The following CCDC40 variants were observed in gnomAD, a reference collection of about 807,000 sequenced individuals.
The protein encoded by CCDC40 is coiled-coil domain-containing protein 40.
CCDC40 carries 104 observed loss-of-function variants against 124.5 expected under a neutral mutation model. The ratio of observed to expected loss-of-function variants is 0.84; its 90% CI spans 0.71 to 0.98. The LOEUF (loss-of-function observed/expected upper bound fraction) is 0.98. Ranked by LOEUF, CCDC40 falls within the 50% of genes least tolerant of loss-of-function variation. The pLI is 0.00. For synonymous variants in CCDC40, 580 were observed against 602.9 expected, an observed-to-expected ratio of 0.96 and a Z score of 0.56; for missense variants, 1,463 against 1,503.9, an observed-to-expected ratio of 0.97 and a Z score of 0.45.
intron 3 of CCDC40, among the ~76,000 whole-genome samples, chr17:80,044,701 AC>A (rs1435695973): frequency 0.015 from 649 of 44,694 alleles, 12 homozygotes; most frequent in African/African-American, 0.054. Flanking sequence ...AACAAAACAA[AC>A]AAACAAAAAA....
At position 80,090,250 on chromosome 17, in the gene CCDC40, A is replaced by C. The variant is rs2038685068; in HGVS notation, c.2832+366A>C. The C allele has an allele frequency of 2.3e-5, 20 of 862,980 alleles. 1 individual carries two copies. Among genetic ancestry groups the C allele is most frequent in the African/African-American group, 3.7e-5 (2 of 54,650 alleles). 53.5% of individuals were successfully genotyped at this position (862,980 alleles called of 1,614,324 possible). On this transcript the variant is annotated intron_variant, in intron 17 of 19. Transcript: ENST00000397545. The stretch of plus-strand genomic sequence containing the variant: ...ACGCGCGCAGGCACGTGCACGAACA[A>C]CACGGGACGCGCGCGGGCACGTGCA...
intron 12 of CCDC40, 46 bp downstream of exon 12, chr17:80,082,104 C>T: frequency 1.3e-6 from 2 of 1,585,928 alleles, no homozygotes; most frequent in Non-Finnish European, 1.7e-6. Context: ...CCCCTGCAGC[C>T]TGGGCATATG....
intron 5 of CCDC40, 106 bp from the exon 6 acceptor site, chr17:80,049,800 C>A: frequency 1.1e-6 from 1 of 877,948 alleles, no homozygotes; most frequent in Non-Finnish European, 1.9e-6. Flanking sequence ...ACACGGAAGT[C>A]GTCTCTGGCC....
chr17:80,072,282 C>T (rs1598520656), intron 10 of CCDC40, among the ~76,000 whole-genome samples: 1 of 152,156 alleles, frequency 6.6e-6, no homozygotes, highest in East Asian at 1.9e-4. Flanking sequence ...AAATAATAAT[C>T]CTTATCAAGG....
chr17:80,039,899 GA>G lies in CCDC40; in HGVS notation c.183del (p.Ala62LeufsTer105). On this transcript the variant is annotated frameshift_variant, in exon 3 of 20. Coordinates refer to ENST00000397545, the MANE Select transcript of CCDC40 (RefSeq NM_017950.4). LOFTEE classifies it high-confidence loss of function. ...EHPEEVTTQA[E>X]AAIEEGEVET... ...TCCTGAGGAAGTCACAACCCAAGCGGAAGCTGCAATTGAAGAGGGGGAGGTG... is the reference window on the plus strand; with the variant it reads ...TCCTGAGGAAGTCACAACCCAAGCGGAGCTGCAATTGAAGAGGGGGAGGTG... 6.2e-7 allele frequency: 1 copy of G among 1,613,856 alleles called. No individual in the cohort carries two copies. Among genetic ancestry groups the G allele is most frequent in the Non-Finnish European group, 8.5e-7 (1 of 1,179,916 alleles).
intron 18 of CCDC40, 111 bp downstream of exon 18, chr17:80,095,562 G>T: frequency 9.6e-7 from 1 of 1,037,430 alleles, no homozygotes; most frequent in Non-Finnish European, 1.4e-6. Context: ...AGGCTGCAGT[G>T]GGGGCGTGCT....
At chr17:80,072,370 CAAG>C (rs1345977127) in intron 10 of CCDC40, among the ~76,000 whole-genome samples, 3 of 152,104 alleles carry the variant, frequency 2.0e-5, no homozygotes, top group Non-Finnish European at 4.4e-5. Context: ...CTTTTTGTGA[CAAG>C]AAGACTCATT....
chr17:80,091,826 G>T (rs1206610981), intron 17 of CCDC40, among the ~76,000 whole-genome samples: 1 of 151,918 alleles, frequency 6.6e-6, no homozygotes, highest in Admixed American at 6.6e-5. Flanking sequence ...AGGTCAAAGG[G>T]TGTATAAATT....
chr17:80,077,476 T>C (rs1481814951), intron 10 of CCDC40, among the ~76,000 whole-genome samples: 3 of 152,186 alleles, frequency 2.0e-5, no homozygotes, highest in African/African-American at 7.2e-5. Context: ...TGAGCCGAGA[T>C]TGCGCCATTG....
At chr17:80,044,172 C>T (rs923370274) in intron 3 of CCDC40, among the ~76,000 whole-genome samples, 1 of 152,070 alleles carries the variant, frequency 6.6e-6, no homozygotes, top group Admixed American at 6.6e-5. Context: ...GCATAGTCAC[C>T]CAGCTGTTGC....
rs74692882 is a variant in CCDC40, at chr17:80,050,255, C to T, written c.1131C>T (p.Cys377=). The T allele has an allele frequency of 2.8e-3, 4,396 of 1,583,052 alleles. 108 individuals carry two copies. The African/African-American group carries it at 0.053, about 19-fold the overall frequency. Reference sequence around the variant, plus strand: ...CCCGCGCTCTCTACACCAAGACCTGCGCAGCCGCCAACGAGGAGCGCAAAA... The same window carrying T: ...CCCGCGCTCTCTACACCAAGACCTGTGCAGCCGCCAACGAGGAGCGCAAAA... The part of the protein sequence containing the change: ...QAARALYTKT[C]AAANEERKKL... Residue 377 remains cysteine (C), a synonymous_variant, in exon 7 of 20, where the codon TGC becomes TGT. Transcript: ENST00000397545.
rs2038598590 is a variant in CCDC40 at position 80,086,842 on chromosome 17, G to C, written c.2449+626G>C. 1 of 159,582 alleles carries C rather than the reference G, an allele frequency of 6.3e-6. No individual in the cohort carries two copies. Among genetic ancestry groups the C allele is most frequent in the Non-Finnish European group, 1.4e-5 (1 of 72,364 alleles). The allele number at this position is 159,582 out of a possible 1,614,324, so 9.9% of individuals were successfully genotyped here. Reference sequence around the variant, plus strand: ...CCAGACACATCATGTGCCCTTCTCGGAGGTCCTGCTGCCTCTCGCCCTGCC... The same window carrying C: ...CCAGACACATCATGTGCCCTTCTCGCAGGTCCTGCTGCCTCTCGCCCTGCC... On this transcript the variant is annotated intron_variant, in intron 14 of 19. Coordinates refer to ENST00000397545, the MANE Select transcript of CCDC40 (RefSeq NM_017950.4). The surrounding 1 kb of genome is among the most constrained non-coding windows in gnomAD (Gnocchi z 5.5).
Position 80,081,802 on chromosome 17 carries a change from C to A in CCDC40, c.1806+13C>A, listed in dbSNP as rs751321015. 30 of 1,613,818 alleles carry A rather than the reference C, an allele frequency of 1.9e-5. No individual in the cohort carries two copies. The highest frequency in any genetic ancestry group is 1.9e-5 in the Non-Finnish European group (23 of 1,180,030). ...CCAGGACCAGCTGGTGAGGCCGGGC[C>A]CGCCCCACAGGTCACACCTGGCGCA... On this transcript the variant is annotated intron_variant, in intron 11 of 19. Transcript: ENST00000397545.
intron 3 of CCDC40, among the ~76,000 whole-genome samples, chr17:80,043,758 A>G (rs565981366): frequency 7.3e-5 from 11 of 151,064 alleles, no homozygotes; most frequent in African/African-American, 1.7e-4. Flanking sequence ...GGCTCAGTCA[A>G]TCCTCCCTCC....
chr17:80,046,567 T>A (rs2037425620), intron 3 of CCDC40, among the ~76,000 whole-genome samples: 1 of 127,576 alleles, frequency 7.8e-6, no homozygotes, highest in African/African-American at 3.2e-5. Flanking sequence ...AAAAGAGTGG[T>A]TTCTGCGTGT....
At chr17:80,054,750 G>A (rs1047768289) in intron 7 of CCDC40, among the ~76,000 whole-genome samples, 1 of 152,212 alleles carries the variant, frequency 6.6e-6, no homozygotes, top group African/African-American at 2.4e-5. Flanking sequence ...GAGGCGGGCA[G>A]ATTACCTGAG....
In CCDC40 at chr17:80,066,243, G is replaced by T. The variant is rs959228352; in HGVS notation, c.1562+637G>T. On this transcript the variant is annotated intron_variant, in intron 10 of 19. Coordinates refer to ENST00000397545, the MANE Select transcript of CCDC40 (RefSeq NM_017950.4). The surrounding 1 kb of genome is among the most constrained non-coding windows in gnomAD (Gnocchi z 4.4). ...TCGTAGTCTCCACCCCTTGTGCCCA[G>T]CACAGAGCCTGGCATACAGCAAGCG... The T allele has an allele frequency of 1.4e-6, 1 of 700,660 alleles. No individual in the cohort carries two copies. Among genetic ancestry groups the T allele is most frequent in the East Asian group, 2.7e-5 (1 of 37,250 alleles). The allele number at this position is 700,660 out of a possible 1,614,324, so 43.4% of individuals were successfully genotyped here.
chr17:80,044,716 A>ATATATATATATATATAT (rs1396709278), intron 3 of CCDC40, among the ~76,000 whole-genome samples: 1 of 131,752 alleles, frequency 7.6e-6, no homozygotes, highest in African/African-American at 3.3e-5. Context: ...CAAAAAAAAA[A>ATATATATATATATATAT]ATATATATAT....
In CCDC40 at chr17:80,099,772, C is replaced by T. The variant is rs756170116; in HGVS notation, c.3426C>T (p.Ser1142=). 6.2e-7 allele frequency: 1 copy of T among 1,612,646 alleles called. No individual in the cohort carries two copies. Among genetic ancestry groups the T allele is most frequent in the Non-Finnish European group, 8.5e-7 (1 of 1,179,732 alleles). ...IANKLESPGP[S] ...ACAAGCTCGAGTCACCAGGGCCCTC[C>T]TAGGGAGCAGCCTGGACTCCGCCTT... Residue 1142 remains serine (S), a synonymous_variant, in exon 20 of 20, where the codon TCC becomes TCT. Coordinates refer to ENST00000397545, the MANE Select transcript of CCDC40 (RefSeq NM_017950.4).
Sources: allele counts gnomAD v4.1 joint callset (sites outside exome capture counted in the v4.1 genomes callset), GRCh38; gene constraint gnomAD v4.1.1; non-coding constraint Gnocchi (gnomAD v3.1); transcripts MANE v1.5; gene names NCBI Gene and HGNC (gene_info 2026-07-23, HGNC 2026-07-21).